Variants in SLIT1 observed in about 807,000 individuals in gnomAD.
SLIT1 encodes slit guidance ligand 1.
In SLIT1, 66 loss-of-function variants were observed where a neutral mutation model predicts 186.1. That is an observed-to-expected ratio of 0.35 (90% CI 0.29 to 0.44). The LOEUF (loss-of-function observed/expected upper bound fraction) is 0.44. Among genes scored for constraint, SLIT1 ranks in the 20% least tolerant of loss-of-function variants. The pLI is 1.00. For missense variants in SLIT1, 1,638 were observed against 2,037.4 expected (o/e 0.80, Z 3.77); for synonymous variants, 761 against 833.8 (o/e 0.91, Z 1.50).
intron 25 of SLIT1, among the ~76,000 whole-genome samples, chr10:97,025,965 T>C (rs1589366636): frequency 6.6e-6 from 1 of 152,150 alleles, no homozygotes; most frequent in East Asian, 1.9e-4. Context: ...CACCAGTCAA[T>C]GTCTGGTGAA....
chr10:97,129,684 C>T (rs1195230745), intron 4 of SLIT1, among the ~76,000 whole-genome samples: 1 of 152,152 alleles, frequency 6.6e-6, no homozygotes, highest in Non-Finnish European at 1.5e-5. Flanking sequence ...ACCAGCCTTC[C>T]AAGCGGGCAT....
chr10:97,038,589 C>A (rs1848662627), intron 21 of SLIT1, among the ~76,000 whole-genome samples: 1 of 152,166 alleles, frequency 6.6e-6, no homozygotes, highest in Non-Finnish European at 1.5e-5. Flanking sequence ...TCATTGTTGA[C>A]CATTCATGCC....
chr10:97,163,278 C>T, intron 3 of SLIT1, 102 bp downstream of exon 3: 3 of 966,132 alleles, frequency 3.1e-6, no homozygotes, highest in Non-Finnish European at 3.3e-6. Context: ...GGCATGGGGT[C>T]CCCTCCCATG....
intron 20 of SLIT1, among the ~76,000 whole-genome samples, chr10:97,042,527 C>G (rs1409537365): frequency 1.3e-5 from 2 of 152,046 alleles, no homozygotes; most frequent in African/African-American, 4.8e-5. Context: ...GATAAGGTGA[C>G]CCCATGAGTC....
At chr10:97,153,871 G>T (rs2784920) in intron 4 of SLIT1, 112,679 of 152,048 alleles carry the variant, frequency 0.74, 42,097 homozygotes, top group Admixed American at 0.82. Flanking sequence ...CAGAAATAAC[G>T]AGAAATGGCC....
At chr10:97,074,525 C>T (rs1367929203) in intron 4 of SLIT1, among the ~76,000 whole-genome samples, 1 of 152,212 alleles carries the variant, frequency 6.6e-6, no homozygotes, top group East Asian at 1.9e-4. Flanking sequence ...ATGTAACAAT[C>T]GCACCTCTTC....
Position 97,010,673 on chromosome 10 carries a change from G to A in SLIT1, c.3341+320C>T, listed in dbSNP as rs1280106356. 6.6e-6 allele frequency among the ~76,000 whole-genome samples: 1 copy of A among 152,170 alleles called. No homozygotes were observed. The highest frequency in any genetic ancestry group is 2.1e-4 in the South Asian group (1 of 4,830). ...ACCTCCCAGGGGAGCCCAGTGGGCT[G>A]GTAGATAATCTTTGGGGCAAGACAT... On this transcript the variant is annotated intron_variant, in intron 31 of 36. Coordinates refer to ENST00000266058, the MANE Select transcript of SLIT1 (RefSeq NM_003061.3). The surrounding 1 kb of genome is among the most constrained non-coding windows in gnomAD (Gnocchi z 4.8).
intron 24 of SLIT1, among the ~76,000 whole-genome samples, 171 bp downstream of exon 24, chr10:97,031,435 C>T (rs777616512): frequency 3.9e-5 from 6 of 152,206 alleles, no homozygotes; most frequent in Non-Finnish European, 2.9e-5. Flanking sequence ...CCCATGCACG[C>T]CCCAGCTTCT....
At chr10:97,032,303 T>C (rs989759895) in intron 23 of SLIT1, among the ~76,000 whole-genome samples, 1 of 152,202 alleles carries the variant, frequency 6.6e-6, no homozygotes, top group Admixed American at 6.5e-5. Context: ...ATGCGGTGGC[T>C]GACTCTTGTA....
intron 4 of SLIT1, among the ~76,000 whole-genome samples, chr10:97,082,632 C>T (rs1309091444): frequency 1.3e-5 from 2 of 152,076 alleles, no homozygotes; most frequent in African/African-American, 4.8e-5. Context: ...GATGAGGTTT[C>T]ACCGTGTTAG....
intron 18 of SLIT1, among the ~76,000 whole-genome samples, chr10:97,044,201 C>G (rs1433750039): frequency 2.0e-5 from 3 of 152,180 alleles, no homozygotes; most frequent in Non-Finnish European, 4.4e-5. Flanking sequence ...TTGAGACCAG[C>G]CTGGGCAACA....
At chr10:97,171,295 G>A (rs1049946502) in intron 1 of SLIT1, among the ~76,000 whole-genome samples, 4 of 151,994 alleles carry the variant, frequency 2.6e-5, no homozygotes, top group South Asian at 4.1e-4. Flanking sequence ...AGGGTAGCCC[G>A]GGTGCATTTG....
Position 97,064,245 on chromosome 10 carries a change from TGG to T in SLIT1, c.558-8_558-7del, listed in dbSNP as rs1848922487. The stretch of plus-strand genomic sequence containing the variant: ...TATTGTTGTTGTTCAGGGTCCTAAA[TGG>T]GAAAAACCAGAGTCATTTAGCACCT... On this transcript the variant is annotated splice_polypyrimidine_tract_variant and splice_region_variant and intron_variant, in intron 6 of 36. Coordinates refer to ENST00000266058, the MANE Select transcript of SLIT1 (RefSeq NM_003061.3). 3.1e-6 allele frequency: 5 copies of T among 1,613,006 alleles called. No individual in the cohort carries two copies. Among genetic ancestry groups the T allele is most frequent in the African/African-American group, 1.3e-5 (1 of 74,972 alleles).
At position 97,022,524 on chromosome 10, in the gene SLIT1, C is replaced by T. The variant is rs551525073; in HGVS notation, c.2583-1111G>A. ...CTGATGGGGGTGCAAAATAGTAGAGCGCCTGTGGAGGGGAATTGTGTGACA... is the reference window on the plus strand; with the variant it reads ...CTGATGGGGGTGCAAAATAGTAGAGTGCCTGTGGAGGGGAATTGTGTGACA... On this transcript the variant is annotated intron_variant, in intron 25 of 36. Transcript: ENST00000266058. This position sits in a 1 kb window ranked among gnomAD's most constrained non-coding sequence, Gnocchi z 4.2. Among the ~76,000 whole-genome samples, 164 of 152,136 alleles carry T rather than the reference C, an allele frequency of 1.1e-3. No homozygotes were observed. Among genetic ancestry groups the T allele is most frequent in the Non-Finnish European group, 1.7e-3 (119 of 68,024 alleles).
At position 97,040,076 on chromosome 10, in the gene SLIT1, CCTGTGGGCA is replaced by C; in HGVS notation, c.2200_2208del (p.Cys734_Gln736del). On this transcript the variant is annotated inframe_deletion, in exon 21 of 37. Transcript: ENST00000266058. ...ACCACGGTGTCCAGGCAGGCGCACTCCTGTGGGCACTGTGGGCGGGGCAGGCAGCCCCCC... is the reference window on the plus strand; with the variant it reads ...ACCACGGTGTCCAGGCAGGCGCACTCCTGTGGGCGGGGCAGGCAGCCCCCC... The C allele has an allele frequency of 6.2e-7, 1 of 1,604,842 alleles. No homozygotes were observed. The highest frequency in any genetic ancestry group is 8.5e-7 in the Non-Finnish European group (1 of 1,175,850).
chr10:97,031,762 C>T, intron 23 of SLIT1, 85 bp from the exon 24 acceptor site: 1 of 1,081,310 alleles, frequency 9.2e-7, no homozygotes, highest in Non-Finnish European at 1.4e-6. Context: ...GTGGAGGTCC[C>T]TCTCACCCAG....
Position 97,037,774 on chromosome 10 carries a change from G to A in SLIT1, c.2298-8C>T. ...TGGTTCCCGTCCAAATAGCTGCAGA[G>A]AGAACACAGCGGCGTTAGTGCCCAT... On this transcript the variant is annotated splice_region_variant and splice_polypyrimidine_tract_variant and intron_variant, in intron 21 of 36. Transcript: ENST00000266058. 6.2e-7 allele frequency: 1 copy of A among 1,600,328 alleles called. No homozygotes were observed. Among genetic ancestry groups the A allele is most frequent in the Non-Finnish European group, 8.6e-7 (1 of 1,168,630 alleles).
intron 3 of SLIT1, among the ~76,000 whole-genome samples, chr10:97,161,958 G>T (rs1055256478): frequency 2.0e-5 from 3 of 152,206 alleles, no homozygotes; most frequent in African/African-American, 7.2e-5. Flanking sequence ...AGGATTAAAT[G>T]AGATAATATA....
In SLIT1 at chr10:97,115,433, C is replaced by T. The variant is rs577203001; in HGVS notation, c.413+42385G>A. Among the ~76,000 whole-genome samples, 11 of 152,310 alleles carry T rather than the reference C, an allele frequency of 7.2e-5. No individual in the cohort carries two copies. In the South Asian group the frequency reaches 1.9e-3, roughly 26 times the overall value. On this transcript the variant is annotated intron_variant, in intron 4 of 36. Coordinates refer to ENST00000266058, the MANE Select transcript of SLIT1 (RefSeq NM_003061.3). The stretch of plus-strand genomic sequence containing the variant: ...GCAGCTCTGGAGACCTGAAACCTCT[C>T]CAGTTTCTTCACTGACCCCTCACAG...
Sources: allele counts gnomAD v4.1 joint callset (sites outside exome capture counted in the v4.1 genomes callset), GRCh38; gene constraint gnomAD v4.1.1; non-coding constraint Gnocchi (gnomAD v3.1); transcripts MANE v1.5; gene names NCBI Gene and HGNC (gene_info 2026-07-23, HGNC 2026-07-21).